The following SRGAP3 variants were observed in gnomAD, a reference collection of about 807,000 sequenced individuals.
SRGAP3 encodes the protein SLIT-ROBO Rho GTPase-activating protein 3.
In SRGAP3, 39 loss-of-function variants were observed where a neutral mutation model predicts 121.1. The observed-to-expected ratio is 0.32, with a 90% CI of 0.25 to 0.42. SRGAP3 has a LOEUF of 0.42. SRGAP3 is among the 10% of genes least tolerant of loss of function. SRGAP3 has a pLI of 1.00. For missense variants in SRGAP3, 1,213 were observed against 1,470.6 expected, an observed-to-expected ratio of 0.82 and a Z score of 2.86; for synonymous variants, 601 against 570.0, an observed-to-expected ratio of 1.05 and a Z score of -0.77.
chr3:9,348,872 A>G (rs781438802), intron 1 of SRGAP3: 36 of 1,203,118 alleles, frequency 3.0e-5, no homozygotes, highest in Non-Finnish European at 4.5e-5. Context: ...TGCAAACCTC[A>G]CTGAAGATCA....
At chr3:9,017,658 A>T (rs1490365709) in intron 14 of SRGAP3, among the ~76,000 whole-genome samples, 1 of 152,180 alleles carries the variant, frequency 6.6e-6, no homozygotes, top group Non-Finnish European at 1.5e-5. Flanking sequence ...AAAGTTCTGA[A>T]GTAACGTTAT....
chr3:9,016,657 A>T (rs1943653405), intron 14 of SRGAP3, among the ~76,000 whole-genome samples: 1 of 152,202 alleles, frequency 6.6e-6, no homozygotes, highest in Non-Finnish European at 1.5e-5. Flanking sequence ...AAGTGTCAAG[A>T]TGATACTCTG....
At chr3:9,352,702 G>C (rs959063016) in intron 1 of SRGAP3, among the ~76,000 whole-genome samples, 1 of 152,200 alleles carries the variant, frequency 6.6e-6, no homozygotes, top group African/African-American at 2.4e-5. Context: ...GAGCTCTGCA[G>C]CTGGGGTCAG....
intron 1 of SRGAP3, among the ~76,000 whole-genome samples, chr3:9,210,223 A>G (rs1293556012): frequency 6.6e-6 from 1 of 152,216 alleles, no homozygotes; most frequent in Non-Finnish European, 1.5e-5. Flanking sequence ...AAATTGGACT[A>G]TGGTGTTAGC....
intron 4 of SRGAP3, among the ~76,000 whole-genome samples, chr3:9,077,818 C>A (rs1947043163): frequency 6.6e-6 from 1 of 152,208 alleles, no homozygotes; most frequent in Non-Finnish European, 1.5e-5. Flanking sequence ...CATCACCTGG[C>A]CTTGTCCAGT....
In SRGAP3 at chr3:9,064,402, C is replaced by T. The variant is rs563743756; in HGVS notation, c.666G>A (p.Lys222=). The T allele has an allele frequency of 1.2e-6, 2 of 1,614,220 alleles. No homozygotes were observed. Among genetic ancestry groups the T allele is most frequent in the African/African-American group, 2.7e-5 (2 of 75,064 alleles). ...GCCCAGGGCCCCCACTCACCTTCTC[C>T]TTCATCTTCTCAATCTTCTTCACAG... ...RSSVKKIEKM[K]EKRQAKYSEN... Residue 222 remains lysine, a synonymous_variant, in exon 5 of 22, where the codon AAG becomes AAA. Transcript: ENST00000383836.
chr3:9,336,265 A>T (rs1344688344), intron 1 of SRGAP3, among the ~76,000 whole-genome samples: 1 of 150,362 alleles, frequency 6.7e-6, no homozygotes, highest in Non-Finnish European at 1.5e-5. Flanking sequence ...AACCCAGACT[A>T]TAGTTCAGTG....
At chr3:9,243,559 C>G (rs562755356) in intron 1 of SRGAP3, among the ~76,000 whole-genome samples, 1 of 150,406 alleles carries the variant, frequency 6.6e-6, no homozygotes, top group Non-Finnish European at 1.5e-5. Context: ...TGCTTGAACT[C>G]GGGAGGCAGA....
At chr3:9,168,973 C>A (rs187428754) in intron 1 of SRGAP3, among the ~76,000 whole-genome samples, 1 of 152,344 alleles carries the variant, frequency 6.6e-6, no homozygotes, top group East Asian at 1.9e-4. Context: ...GCTCTGCACC[C>A]AGGTGAGAGC....
chr3:9,351,916 T>C (rs948194527), intron 1 of SRGAP3, among the ~76,000 whole-genome samples: 1 of 152,208 alleles, frequency 6.6e-6, no homozygotes, highest in Non-Finnish European at 1.5e-5. Flanking sequence ...CCTTAGAGAA[T>C]GCTGCAAAAC....
At chr3:9,280,971 G>GA (rs1491378235) in intron 3 of SRGAP3, among the ~76,000 whole-genome samples, 1 of 133,422 alleles carries the variant, frequency 7.5e-6, no homozygotes, top group African/African-American at 4.1e-5. Flanking sequence ...CTGAATTGTT[G>GA]GGGGTGGTGG....
At chr3:9,148,799 C>T (rs752964728) in intron 1 of SRGAP3, among the ~76,000 whole-genome samples, 9 of 152,180 alleles carry the variant, frequency 5.9e-5, no homozygotes, top group South Asian at 2.1e-4. Flanking sequence ...ATTCTGCTTC[C>T]CATGACACAG....
intron 18 of SRGAP3, among the ~76,000 whole-genome samples, chr3:8,997,293 G>A (rs1164675039): frequency 6.6e-6 from 1 of 152,106 alleles, no homozygotes; most frequent in African/African-American, 2.4e-5. Flanking sequence ...CCCTGGCATG[G>A]CTCTGCACAC....
intron 20 of SRGAP3, among the ~76,000 whole-genome samples, chr3:8,992,393 C>G (rs1048415156): frequency 2.6e-5 from 4 of 152,220 alleles, no homozygotes; most frequent in African/African-American, 9.6e-5. Flanking sequence ...GTGACACAGC[C>G]TGGCCCACAC....
rs201315120 is a variant in SRGAP3 at position 9,269,903 on chromosome 3, AAAGG to A, written n.442+56103_442+56106del. On this transcript the variant is annotated intron_variant and non_coding_transcript_variant, in intron 3 of 3. Transcript: ENST00000490889. Reference sequence around the variant, plus strand: ...AGGGAGGGACAGAGGGAGGAAGGGAAAAGGAAGGAAGGAAGGAAGGAGGAAGGGA... The same window carrying A: ...AGGGAGGGACAGAGGGAGGAAGGGAAAAGGAAGGAAGGAAGGAGGAAGGGA... 1.5e-4 allele frequency among the ~76,000 whole-genome samples: 23 copies of A among 151,724 alleles called. No individual in the cohort carries two copies. In the East Asian group the frequency reaches 1.5e-3, roughly 10 times the overall value.
intron 9 of SRGAP3, among the ~76,000 whole-genome samples, chr3:9,050,145 C>T (rs1274547181): frequency 6.6e-6 from 1 of 152,198 alleles, no homozygotes; most frequent in Non-Finnish European, 1.5e-5. Flanking sequence ...GGCTGAGAAC[C>T]TGCATTTTTA....
chr3:9,285,638 C>T (rs1954754622), intron 3 of SRGAP3, among the ~76,000 whole-genome samples: 1 of 152,076 alleles, frequency 6.6e-6, no homozygotes, highest in African/African-American at 2.4e-5. Context: ...CTTCATCAAA[C>T]CTAAGCATAA....
At chr3:9,125,629 G>C (rs1250042429) in intron 1 of SRGAP3, among the ~76,000 whole-genome samples, 4 of 152,208 alleles carry the variant, frequency 2.6e-5, no homozygotes, top group Admixed American at 1.3e-4. Flanking sequence ...TACGCAACCA[G>C]GGCAACAATT....
At chr3:9,257,184 A>T (rs1954149580) in intron 3 of SRGAP3, among the ~76,000 whole-genome samples, 1 of 152,202 alleles carries the variant, frequency 6.6e-6, no homozygotes, top group South Asian at 2.1e-4. Context: ...CAATGGATTG[A>T]ATGCTTGTGT....
Sources: gnomAD v4.1 joint callset for allele counts (sites outside exome capture counted in the v4.1 genomes callset) on GRCh38, gnomAD v4.1.1 for gene constraint, MANE v1.5 for transcripts, NCBI Gene and HGNC (gene_info 2026-07-23, HGNC 2026-07-21) for gene names.